The following CSMD1 variants were observed in gnomAD, a reference collection of about 807,000 sequenced individuals.
CSMD1 encodes CUB and Sushi multiple domains 1, also known as CUB and sushi domain-containing protein 1.
Under a neutral mutation model 417.5 loss-of-function variants are expected in CSMD1, and 213 were observed. That is an observed-to-expected ratio of 0.51 (90% CI 0.46 to 0.57). The LOEUF is 0.57. Ranked by LOEUF, CSMD1 falls within the 20% of genes least tolerant of loss-of-function variation. The pLI is 0.00. For missense variants in CSMD1, 6,923 were observed against 4,529.7 expected (o/e 1.53, Z -15.17); for synonymous variants, 2,862 against 1,736.8 (o/e 1.65, Z -16.11).
intron 37 of CSMD1, 75 bp downstream of exon 37, chr8:3,181,035 G>T: frequency 1.2e-6 from 1 of 868,066 alleles, no homozygotes; most frequent in Non-Finnish European, 1.9e-6. Context: ...TTTAATAAGA[G>T]CATGATTTAT....
chr8:3,849,981 A>G (rs970062045), intron 5 of CSMD1, among the ~76,000 whole-genome samples: 2 of 144,818 alleles, frequency 1.4e-5, no homozygotes, highest in African/African-American at 5.4e-5. Context: ...ATGCTCGGCT[A>G]ATTTGTGTAT....
At position 4,934,678 on chromosome 8, in the gene CSMD1, A is replaced by T. The variant is rs77313926; in HGVS notation, c.85+59654T>A. On this transcript the variant is annotated intron_variant, in intron 1 of 69. Transcript: ENST00000635120. ...ATCAATTATTGACCTATCATCTATGATCCATCTACTTATAATCTATAATCT... is the reference window on the plus strand; with the variant it reads ...ATCAATTATTGACCTATCATCTATGTTCCATCTACTTATAATCTATAATCT... Among the ~76,000 whole-genome samples, 654 of 152,214 alleles carry T rather than the reference A, an allele frequency of 4.3e-3. 6 individuals are homozygous for T. The highest frequency in any genetic ancestry group is 0.015 in the African/African-American group (627 of 41,526).
intron 12 of CSMD1, among the ~76,000 whole-genome samples, chr8:3,420,790 C>G: frequency 6.6e-6 from 1 of 152,166 alleles, no homozygotes; most frequent in African/African-American, 2.4e-5. Context: ...TTTCACCATT[C>G]TGCGCATGGA....
chr8:3,779,508 T>C (rs576223117), intron 5 of CSMD1, among the ~76,000 whole-genome samples: 1 of 152,256 alleles, frequency 6.6e-6, no homozygotes, highest in East Asian at 1.9e-4. Context: ...TCATCAAATA[T>C]GTGATGGAAA....
rs551509446 is a variant in CSMD1, at chr8:3,413,285, T to C, written c.1562-3680A>G. Among the ~76,000 whole-genome samples the C allele has an allele frequency of 2.6e-5, 4 of 152,314 alleles. No homozygotes were observed. In the South Asian group the frequency reaches 8.3e-4, roughly 32 times the overall value. On this transcript the variant is annotated intron_variant, in intron 12 of 69. Transcript: ENST00000635120. ...TTGGGGATACTATTTTTAATATTAA[T>C]TAACTCAGGGAGCTCTACTGTGCAG...
chr8:4,011,905 T>C (rs377164564), intron 4 of CSMD1, among the ~76,000 whole-genome samples: 1 of 152,162 alleles, frequency 6.6e-6, no homozygotes, highest in Non-Finnish European at 1.5e-5. Context: ...GAATTTTATT[T>C]GCATATAACT....
At chr8:4,730,621 G>T (rs1416941935) in intron 1 of CSMD1, among the ~76,000 whole-genome samples, 2 of 151,926 alleles carry the variant, frequency 1.3e-5, no homozygotes, top group Non-Finnish European at 2.9e-5. Flanking sequence ...GGCGCCTGTA[G>T]TCCCAGCTAC....
chr8:4,756,857 G>A (rs1005640794), intron 1 of CSMD1, among the ~76,000 whole-genome samples: 4 of 152,166 alleles, frequency 2.6e-5, no homozygotes, highest in Middle Eastern at 3.2e-3. Flanking sequence ...GAAAAAGGGT[G>A]GACTTCACTT....
At chr8:4,570,995 T>C (rs1339406400) in intron 2 of CSMD1, among the ~76,000 whole-genome samples, 1 of 152,196 alleles carries the variant, frequency 6.6e-6, no homozygotes, top group Non-Finnish European at 1.5e-5. Context: ...GATATCCCTT[T>C]ATCTTTTTTT....
chr8:4,828,307 T>C (rs1206305699), intron 1 of CSMD1, among the ~76,000 whole-genome samples: 1 of 152,208 alleles, frequency 6.6e-6, no homozygotes, highest in Non-Finnish European at 1.5e-5. Context: ...TCAACAAATG[T>C]GCTGACTTTT....
intron 5 of CSMD1, among the ~76,000 whole-genome samples, chr8:3,786,654 A>C (rs779455592): frequency 6.6e-6 from 1 of 152,176 alleles, no homozygotes; most frequent in Non-Finnish European, 1.5e-5. Flanking sequence ...TCGAGATGCT[A>C]TGATAAAATA....
intron 26 of CSMD1, among the ~76,000 whole-genome samples, chr8:3,261,885 G>A (rs867520796): frequency 1.3e-5 from 2 of 152,072 alleles, no homozygotes; most frequent in African/African-American, 4.8e-5. Context: ...CTATCAAAGA[G>A]CAGCCTGTGG....
intron 10 of CSMD1, among the ~76,000 whole-genome samples, chr8:3,518,817 A>G (rs1797386333): frequency 6.6e-6 from 1 of 152,198 alleles, no homozygotes; most frequent in African/African-American, 2.4e-5. Flanking sequence ...CAAACTTTCT[A>G]TAAATCAAAC....
At chr8:4,387,695 C>T (rs1272220785) in intron 3 of CSMD1, among the ~76,000 whole-genome samples, 1 of 151,326 alleles carries the variant, frequency 6.6e-6, no homozygotes. Flanking sequence ...AAAGAGACAG[C>T]CTTGAGGCAA....
intron 1 of CSMD1, among the ~76,000 whole-genome samples, chr8:4,674,801 A>C (rs1214406317): frequency 1.3e-5 from 2 of 152,180 alleles, no homozygotes; most frequent in East Asian, 3.9e-4. Context: ...TCCAAAATTC[A>C]TGTGTTAAAG....
chr8:4,717,357 A>T (rs1386879138), intron 1 of CSMD1, among the ~76,000 whole-genome samples: 2 of 146,760 alleles, frequency 1.4e-5, no homozygotes, highest in Non-Finnish European at 1.5e-5. Flanking sequence ...ACACACACAT[A>T]TATACACACA....
chr8:4,751,776 G>A (rs531976629), intron 1 of CSMD1, among the ~76,000 whole-genome samples: 25 of 152,272 alleles, frequency 1.6e-4, no homozygotes, highest in African/African-American at 4.8e-4. Context: ...GGACCTCTGC[G>A]TTTGCATTCT....
chr8:4,196,979 CT>C (rs1423382857), intron 3 of CSMD1, among the ~76,000 whole-genome samples: 3 of 152,198 alleles, frequency 2.0e-5, no homozygotes, highest in South Asian at 4.1e-4. Context: ...CTCACCGCCC[CT>C]CACAATATCT....
intron 5 of CSMD1, among the ~76,000 whole-genome samples, chr8:3,921,560 T>C (rs576235406): frequency 7.2e-5 from 11 of 152,268 alleles, no homozygotes; most frequent in African/African-American, 2.6e-4. Flanking sequence ...GAACCACTTT[T>C]GCTTCATCTA....
Sources: allele counts gnomAD v4.1 joint callset (sites outside exome capture counted in the v4.1 genomes callset), GRCh38; gene constraint gnomAD v4.1.1; transcripts MANE v1.5; gene names NCBI Gene and HGNC (gene_info 2026-07-23, HGNC 2026-07-21).